The following DCDC1 variants were observed in gnomAD, a reference collection of about 807,000 sequenced individuals.
The protein encoded by DCDC1 is doublecortin domain containing 1, also known as doublecortin domain-containing protein 1.
A neutral mutation model predicts 178.3 loss-of-function variants in DCDC1; 200 were observed. The ratio of observed to expected loss-of-function variants is 1.12; its 90% CI spans 1.00 to 1.26. The LOEUF (loss-of-function observed/expected upper bound fraction) is 1.26, where lower values mean the gene tolerates loss of function less well. Among genes scored for constraint, DCDC1 ranks in the 50% most tolerant of loss-of-function variants. The pLI is 0.00. For synonymous variants in DCDC1, 690 were observed against 604.8 expected, an observed-to-expected ratio of 1.14 and a Z score of -2.07; for missense variants, 1,983 against 1,749.2, an observed-to-expected ratio of 1.13 and a Z score of -2.38.
intron 12 of DCDC1, among the ~76,000 whole-genome samples, chr11:31,109,737 A>T (rs1959079810): frequency 6.6e-6 from 1 of 152,176 alleles, no homozygotes; most frequent in African/African-American, 2.4e-5. Context: ...CTTTTATGCA[A>T]GACAAAGACC....
chr11:31,315,234 T>C (rs898149322), intron 3 of DCDC1, among the ~76,000 whole-genome samples: 10 of 150,382 alleles, frequency 6.6e-5, no homozygotes, highest in African/African-American at 2.4e-4. Flanking sequence ...GTGGTGCTGC[T>C]CATTACTCCC....
Position 30,909,077 on chromosome 11 carries a change from A to C in DCDC1, c.3787T>G (p.Trp1263Gly). 9 of 1,611,630 alleles carry C rather than the reference A, an allele frequency of 5.6e-6. No homozygotes were observed. Among genetic ancestry groups the C allele is most frequent in the Non-Finnish European group, 7.6e-6 (9 of 1,178,418 alleles). Residue 1263 changes from tryptophan (W) to glycine (G), a missense_variant, in exon 29 of 39, where the codon TGG becomes GGG. Trp to Gly is a radical substitution (Grantham distance 184). Transcript: ENST00000684477. ...GCTTTTATATTTTTCATGTAATGCC[A>C]CTTTTGATTGGCAGCTCCATTGTTG... ...PYNNGAANQK[W>G]HYMKNIKALV...
At chr11:31,090,941 G>GA (rs1340391766) in intron 17 of DCDC1, among the ~76,000 whole-genome samples, 2 of 151,688 alleles carry the variant, frequency 1.3e-5, no homozygotes, top group Non-Finnish European at 2.9e-5. Flanking sequence ...TCCTAAATCA[G>GA]AAAAAAACAA....
chr11:31,262,825 T>C (rs1482185536), intron 8 of DCDC1: 1 of 411,488 alleles, frequency 2.4e-6, no homozygotes, highest in African/African-American at 2.0e-5. Context: ...TGCTACAGAC[T>C]GGAAGTTCCT....
chr11:31,210,371 G>A (rs1022107864), intron 9 of DCDC1, among the ~76,000 whole-genome samples: 1 of 152,168 alleles, frequency 6.6e-6, no homozygotes, highest in Admixed American at 6.5e-5. Context: ...TTGACTGAAT[G>A]ACTAATAGCA....
chr11:31,213,320 G>C (rs901957963), intron 9 of DCDC1, among the ~76,000 whole-genome samples: 7 of 151,724 alleles, frequency 4.6e-5, no homozygotes, highest in Middle Eastern at 3.2e-3. Flanking sequence ...TTGGTAAGTA[G>C]AGACTGGATT....
At chr11:31,199,900 C>G (rs1435293335) in intron 9 of DCDC1, among the ~76,000 whole-genome samples, 1 of 151,982 alleles carries the variant, frequency 6.6e-6, no homozygotes, top group Admixed American at 6.6e-5. Context: ...AGGAGGAATA[C>G]ATGTTTTTGA....
intron 7 of DCDC1, among the ~76,000 whole-genome samples, chr11:31,281,439 GA>G (rs372601770): frequency 1.2e-3 from 176 of 152,020 alleles, no homozygotes; most frequent in Non-Finnish European, 2.0e-3. Flanking sequence ...AGTTTGCTAT[GA>G]AAATTTTTTT....
At chr11:31,358,198 C>T (rs1456094000) in intron 1 of DCDC1, among the ~76,000 whole-genome samples, 1 of 151,822 alleles carries the variant, frequency 6.6e-6, no homozygotes, top group Non-Finnish European at 1.5e-5. Flanking sequence ...TACTACAAGG[C>T]TACAGTAACC....
intron 8 of DCDC1, among the ~76,000 whole-genome samples, chr11:31,259,285 G>A (rs1199963356): frequency 2.6e-5 from 4 of 151,964 alleles, no homozygotes; most frequent in African/African-American, 7.3e-5. Context: ...CCCGGGAGGC[G>A]GAGGTTGCAG....
intron 9 of DCDC1, among the ~76,000 whole-genome samples, chr11:31,150,871 AC>A (rs1248618015): frequency 6.6e-6 from 1 of 152,232 alleles, no homozygotes; most frequent in African/African-American, 2.4e-5. Flanking sequence ...CCAACAGGCT[AC>A]TAAACTTCTG....
At chr11:30,891,622 A>G (rs1189921450) in intron 36 of DCDC1, among the ~76,000 whole-genome samples, 1 of 152,210 alleles carries the variant, frequency 6.6e-6, no homozygotes. Flanking sequence ...AAGACATTTC[A>G]GCTTTGTTAT....
At chr11:31,131,188 C>CAAAAAAAAAAAAAAAAAAAAAA (rs565349028) in intron 10 of DCDC1, among the ~76,000 whole-genome samples, 3 of 21,562 alleles carry the variant, frequency 1.4e-4, no homozygotes, top group African/African-American at 2.2e-4. Flanking sequence ...GACTCCGTCT[C>CAAAAAAAAAAAAAAAAAAAAAA]AAAAAAAAAA....
chr11:31,020,841 T>C (rs1478670475), intron 20 of DCDC1, among the ~76,000 whole-genome samples: 4 of 152,196 alleles, frequency 2.6e-5, no homozygotes, highest in Non-Finnish European at 5.9e-5. Context: ...AAAAAAATTA[T>C]AATCCAGGAA....
intron 6 of DCDC1, among the ~76,000 whole-genome samples, chr11:31,292,921 A>T (rs916327551): frequency 6.6e-6 from 1 of 152,110 alleles, no homozygotes; most frequent in African/African-American, 2.4e-5. Context: ...TTTACCCACA[A>T]TCTGGATGCC....
intron 20 of DCDC1, among the ~76,000 whole-genome samples, chr11:30,984,811 C>T (rs532394809): frequency 3.9e-5 from 6 of 152,236 alleles, no homozygotes; most frequent in Middle Eastern, 3.4e-3. Context: ...TCCCAAATGA[C>T]AGGGGGAACC....
intron 1 of DCDC1, among the ~76,000 whole-genome samples, chr11:31,358,886 A>T (rs1002589385): frequency 2.6e-5 from 4 of 152,226 alleles, no homozygotes; most frequent in Non-Finnish European, 4.4e-5. Flanking sequence ...ACAATGAGAT[A>T]TCATCTCACA....
intron 8 of DCDC1, among the ~76,000 whole-genome samples, chr11:31,255,154 T>G (rs1944326072): frequency 6.6e-6 from 1 of 152,248 alleles, no homozygotes; most frequent in Non-Finnish European, 1.5e-5. Context: ...CATTCCATTG[T>G]ATGTATATAC....
intron 18 of DCDC1, among the ~76,000 whole-genome samples, chr11:31,066,538 A>G (rs1017180857): frequency 2.6e-5 from 4 of 152,230 alleles, no homozygotes; most frequent in African/African-American, 9.6e-5. Context: ...AGGTACTTAC[A>G]TTGTTCTGGA....
Sources: allele counts gnomAD v4.1 joint callset (sites outside exome capture counted in the v4.1 genomes callset), GRCh38; gene constraint gnomAD v4.1.1; transcripts MANE v1.5; gene names NCBI Gene and HGNC (gene_info 2026-07-23, HGNC 2026-07-21).